The following CNTNAP4 variants were observed in gnomAD, a reference collection of about 807,000 sequenced individuals.
The protein encoded by CNTNAP4 is contactin-associated protein-like 4.
CNTNAP4 carries 98 observed loss-of-function variants against 148.4 expected under a neutral mutation model. The ratio of observed to expected loss-of-function variants is 0.66; its 90% CI spans 0.56 to 0.78. The LOEUF (loss-of-function observed/expected upper bound fraction) is 0.78. Ranked by LOEUF, CNTNAP4 falls within the 30% of genes least tolerant of loss-of-function variation. The pLI is 0.00. For missense variants in CNTNAP4, 1,935 were observed against 1,565.6 expected, an observed-to-expected ratio of 1.24 and a Z score of -3.98; for synonymous variants, 730 against 565.1, an observed-to-expected ratio of 1.29 and a Z score of -4.14.
intron 3 of CNTNAP4, 149 bp from the exon 4 acceptor site, chr16:76,427,303 T>G: frequency 1.7e-6 from 1 of 578,564 alleles, no homozygotes; most frequent in Non-Finnish European, 2.8e-6. Flanking sequence ...AGAGACATCA[T>G]GACATAACTG....
Position 76,498,836 on chromosome 16 carries a change from A to G in CNTNAP4, c.2365+142A>G, listed in dbSNP as rs547745926. 3.3e-4 allele frequency: 257 copies of G among 777,218 alleles called. 1 individual carries two copies. The East Asian group carries it at 7.5e-3, about 23-fold the overall frequency. 48.1% of individuals were successfully genotyped at this position (777,218 alleles called of 1,614,324 possible). A position where few individuals can be genotyped will look rare whatever the true frequency, so the allele number is the denominator to read the frequency against. ...ATTTTTTTTGTTTGTTTCCACATAC[A>G]TGAGGTGCCTTTAGTAGTCAAATTC... On this transcript the variant is annotated intron_variant, in intron 15 of 23. Transcript: ENST00000611870.
At chr16:76,453,812 C>G (rs892238759) in intron 8 of CNTNAP4, among the ~76,000 whole-genome samples, 1 of 151,818 alleles carries the variant, frequency 6.6e-6, no homozygotes, top group African/African-American at 2.4e-5. Flanking sequence ...ACCGAGAATT[C>G]GATATTAGTT....
At position 76,538,305 on chromosome 16, in the gene CNTNAP4, A is replaced by G. The variant is rs763501961; in HGVS notation, c.3185A>G (p.Tyr1062Cys). Residue 1062 changes from tyrosine to cysteine, a missense_variant, in exon 19 of 24, where the codon TAC becomes TGC. Transcript: ENST00000611870. ...PSLLLFVSSF[Y>C]KEYLSVIIAK... Reference sequence around the variant, plus strand: ...TTGCTGCTTTTTGTGAGCTCCTTTTACAAAGAATACCTTTCTGTGATCATT... The same window carrying G: ...TTGCTGCTTTTTGTGAGCTCCTTTTGCAAAGAATACCTTTCTGTGATCATT... The G allele has an allele frequency of 3.1e-6, 5 of 1,605,548 alleles. No homozygotes were observed. In the South Asian group the frequency reaches 4.5e-5, roughly 14 times the overall value.
At position 76,558,688 on chromosome 16, in the gene CNTNAP4, C is replaced by A; in HGVS notation, c.*5C>A. On this transcript the variant is annotated 3_prime_UTR_variant, in exon 24 of 24. Transcript: ENST00000611870. ...CAGAAAGAGTACTTCTTCTGATTGG[C>A]AGCTATGATTTAACATAAAATTATG... 6.3e-7 allele frequency: 1 copy of A among 1,590,990 alleles called. No individual in the cohort carries two copies. The highest frequency in any genetic ancestry group is 1.7e-4 in the Middle Eastern group (1 of 5,966).
chr16:76,425,180 G>A (rs931470628), intron 3 of CNTNAP4, among the ~76,000 whole-genome samples: 6 of 152,106 alleles, frequency 3.9e-5, no homozygotes, highest in African/African-American at 1.4e-4. Flanking sequence ...CTGGAAATTT[G>A]TTCTGCAAAA....
At position 76,506,218 on chromosome 16, in the gene CNTNAP4, A is replaced by G. The variant is rs1318224981; in HGVS notation, c.2365+7524A>G. Reference sequence around the variant, plus strand: ...CGTATTTATTTTTGAGGAACCATCCAAAGTCTTTTAGACCAACAGTTCCTC... The same window carrying G: ...CGTATTTATTTTTGAGGAACCATCCGAAGTCTTTTAGACCAACAGTTCCTC... On this transcript the variant is annotated intron_variant, in intron 15 of 23. Coordinates refer to ENST00000611870, the MANE Select transcript of CNTNAP4 (RefSeq NM_033401.5). 9.3e-5 allele frequency among the ~76,000 whole-genome samples: 9 copies of G among 96,328 alleles called. 4 individuals carry two copies. The highest frequency in any genetic ancestry group is 2.4e-4 in the Non-Finnish European group (8 of 33,896). 63.2% of individuals were successfully genotyped at this position (96,328 alleles called of 152,430 possible). A position where few individuals can be genotyped will look rare whatever the true frequency, so the allele number is the denominator to read the frequency against.
In CNTNAP4 at chr16:76,338,831, A is replaced by G. The variant is rs183624138; in HGVS notation, c.197-16487A>G. Reference sequence around the variant, plus strand: ...TTTAAGGTGGGGAAAAAAAATTTCCATTGTGTAAGATTATTGTGAAAATCA... The same window carrying G: ...TTTAAGGTGGGGAAAAAAAATTTCCGTTGTGTAAGATTATTGTGAAAATCA... On this transcript the variant is annotated intron_variant, in intron 2 of 23. Transcript: ENST00000611870. Among the ~76,000 whole-genome samples the G allele has an allele frequency of 3.9e-4, 59 of 152,286 alleles. No homozygotes were observed. In the East Asian group the frequency reaches 7.0e-3, roughly 18 times the overall value.
At chr16:76,454,309 T>C (rs557704718) in intron 8 of CNTNAP4, among the ~76,000 whole-genome samples, 3 of 152,246 alleles carry the variant, frequency 2.0e-5, no homozygotes, top group East Asian at 1.9e-4. Context: ...GAGACAGGGT[T>C]TCTCCATGTT....
At chr16:76,309,855 A>C (rs914726851) in intron 1 of CNTNAP4, 1 of 700,298 alleles carries the variant, frequency 1.4e-6, no homozygotes, top group Non-Finnish European at 2.6e-6. Flanking sequence ...CTGCTTCCTC[A>C]TTTTCTCTTG....
At chr16:76,551,887 G>A (rs1244092619) in intron 21 of CNTNAP4, among the ~76,000 whole-genome samples, 2 of 152,082 alleles carry the variant, frequency 1.3e-5, no homozygotes, top group Non-Finnish European at 1.5e-5. Context: ...AAAGACTAAA[G>A]TGCACATTTT....
intron 3 of CNTNAP4, among the ~76,000 whole-genome samples, chr16:76,403,875 G>C (rs1406557726): frequency 4.6e-5 from 7 of 152,148 alleles, no homozygotes; most frequent in Admixed American, 4.6e-4. Flanking sequence ...CATAAGAAAA[G>C]AATGAGATCA....
chr16:76,453,673 G>C (rs2080609495), intron 8 of CNTNAP4, among the ~76,000 whole-genome samples: 1 of 151,800 alleles, frequency 6.6e-6, no homozygotes, highest in African/African-American at 2.4e-5. Context: ...TTGGAGAGGA[G>C]AAAAAAATGA....
chr16:76,439,717 G>A (rs1264021405), intron 4 of CNTNAP4, among the ~76,000 whole-genome samples: 1 of 151,960 alleles, frequency 6.6e-6, no homozygotes, highest in Admixed American at 6.6e-5. Flanking sequence ...AGATAATAAG[G>A]GCACCTTTTC....
intron 21 of CNTNAP4, among the ~76,000 whole-genome samples, chr16:76,547,430 A>G (rs1396790563): frequency 6.6e-6 from 1 of 152,232 alleles, no homozygotes; most frequent in Non-Finnish European, 1.5e-5. Context: ...AATGAAATTT[A>G]TAATTACTAT....
At chr16:76,318,694 CATA>C (rs1035750314) in intron 2 of CNTNAP4, among the ~76,000 whole-genome samples, 4 of 136,616 alleles carry the variant, frequency 2.9e-5, no homozygotes, top group Admixed American at 2.1e-4. Flanking sequence ...TAATATTTCT[CATA>C]ATGATTTATT....
intron 21 of CNTNAP4, among the ~76,000 whole-genome samples, chr16:76,551,955 A>G (rs1463144710): frequency 6.6e-6 from 1 of 152,174 alleles, no homozygotes; most frequent in East Asian, 1.9e-4. Flanking sequence ...CCGTTCTCAC[A>G]CTGCTATAAA....
At position 76,467,407 on chromosome 16, in the gene CNTNAP4, G is replaced by C. The variant is rs6564343; in HGVS notation, c.1539G>C (p.Gln513His). The change falls in exon 10 of 24, where the codon CAG becomes CAC. Residue 513 changes from glutamine to histidine, a missense_variant. Transcript: ENST00000611870. ...GTAAAAGTCCACTTGGTGGATTTCA[G>C]GGATGTATGAGGCTCATTTCTATCA... ...SKCKSPLGGF[Q>H]GCMRLISISG... 5.6e-3 allele frequency: 9,024 copies of C among 1,613,862 alleles called. 284 individuals are homozygous for C. In the African/African-American group the frequency reaches 0.085, roughly 15 times the overall value.
chr16:76,298,255 A>G (rs1427043107), intron 1 of CNTNAP4, among the ~76,000 whole-genome samples: 1 of 152,228 alleles, frequency 6.6e-6, no homozygotes, highest in African/African-American at 2.4e-5. Context: ...CAAGCTGATA[A>G]TCTCAGTGAA....
At chr16:76,331,009 A>G (rs1223116842) in intron 2 of CNTNAP4, among the ~76,000 whole-genome samples, 2 of 152,198 alleles carry the variant, frequency 1.3e-5, no homozygotes, top group African/African-American at 4.8e-5. Flanking sequence ...ATTGTGGTGA[A>G]ATTCACATAA....
Sources: gnomAD v4.1 joint callset for allele counts (sites outside exome capture counted in the v4.1 genomes callset) on GRCh38, gnomAD v4.1.1 for gene constraint, MANE v1.5 for transcripts, NCBI Gene and HGNC (gene_info 2026-07-23, HGNC 2026-07-21) for gene names.